DHX8: variants seen among roughly 807,000 people sequenced by gnomAD.
DHX8 encodes DEAH-box helicase 8.
DHX8 carries 67 observed loss-of-function variants against 140.7 expected under a neutral mutation model. The ratio of observed to expected loss-of-function variants is 0.48; its 90% CI spans 0.39 to 0.58. The LOEUF (loss-of-function observed/expected upper bound fraction) is 0.58. Ranked by LOEUF, DHX8 falls within the 20% of genes least tolerant of loss-of-function variation. The pLI, the probability that DHX8 is intolerant of heterozygous loss-of-function variation, is 0.00. For missense variants in DHX8, 887 were observed against 1,550.7 expected (o/e 0.57, Z 7.19); for synonymous variants, 533 against 553.2 (o/e 0.96, Z 0.51).
At position 43,524,107 on chromosome 17, in the gene DHX8, A is replaced by G. The variant is rs1970517473; in HGVS notation, c.*260A>G. On this transcript the variant is annotated 3_prime_UTR_variant, in exon 23 of 23. Coordinates refer to ENST00000262415, the MANE Select transcript of DHX8 (RefSeq NM_004941.3). ...CATATCTAACACAGAGACACATTGC[A>G]TCAACTTCAAGAAAGGGACAATTTG... 1.5e-6 allele frequency: 2 copies of G among 1,319,688 alleles called. No homozygotes were observed. Among genetic ancestry groups the G allele is most frequent in the Admixed American group, 3.3e-5 (1 of 30,070 alleles). 81.7% of individuals were successfully genotyped at this position (1,319,688 alleles called of 1,614,324 possible).
downstream of DHX8, chr17:43,525,862 A>G: frequency 5.1e-6 from 5 of 985,298 alleles, no homozygotes; most frequent in Non-Finnish European, 6.0e-6. Context: ...CAGCACTGAC[A>G]ATGTTGACAC....
intron 1 of DHX8, among the ~76,000 whole-genome samples, chr17:43,487,223 A>G (rs991403567): frequency 1.3e-5 from 2 of 152,202 alleles, no homozygotes; most frequent in African/African-American, 4.8e-5. Flanking sequence ...AGTATTAACC[A>G]TTGACATTAT....
chr17:43,532,443 G>A (rs1169280866), intron 2 of DHX8, among the ~76,000 whole-genome samples: 3 of 151,812 alleles, frequency 2.0e-5, no homozygotes, highest in Admixed American at 6.6e-5. Flanking sequence ...AGGTTGCAGT[G>A]AGCAGAGATC....
rs202079367 is a variant in DHX8, at chr17:43,488,463, T to A, written c.149-986T>A. Among the ~76,000 whole-genome samples, 21 of 151,310 alleles carry A rather than the reference T, an allele frequency of 1.4e-4. No individual in the cohort carries two copies. The East Asian group carries it at 4.1e-3, about 30-fold the overall frequency. ...TGTCTCTGCTAAAAATACAAAAAATTAGCCAGGCGTGGTGGTGGGCGCCTG... is the reference window on the plus strand; with the variant it reads ...TGTCTCTGCTAAAAATACAAAAAATAAGCCAGGCGTGGTGGTGGGCGCCTG... On this transcript the variant is annotated intron_variant, in intron 1 of 22. Coordinates refer to ENST00000262415, the MANE Select transcript of DHX8 (RefSeq NM_004941.3).
rs763361308 is a variant in DHX8 at position 43,492,291 on chromosome 17, C to A, written c.502C>A (p.Arg168=). 1.5e-5 allele frequency: 24 copies of A among 1,611,962 alleles called. No homozygotes were observed. The Admixed American group carries it at 2.2e-4, about 15-fold the overall frequency. The change falls in exon 5 of 23, where the codon CGG becomes AGG. Residue 168 remains arginine (R), a splice_region_variant and synonymous_variant. Transcript: ENST00000262415. ...GQEKQRDAEH[R]DRTKKKKRSR... ...GGAGAAGCAAAGAGATGCTGAACACCGGTTTGTCCTTAGTGTCCTGTCCTT... is the reference window on the plus strand; with the variant it reads ...GGAGAAGCAAAGAGATGCTGAACACAGGTTTGTCCTTAGTGTCCTGTCCTT...
Position 43,536,535 on chromosome 17 carries a change from G to A in DHX8, c.*20+37G>A, listed in dbSNP as rs984845503. 4 of 1,533,388 alleles carry A rather than the reference G, an allele frequency of 2.6e-6. No individual in the cohort carries two copies. In the African/African-American group the frequency reaches 5.5e-5, roughly 21 times the overall value. The allele number at this position is 1,533,388 out of a possible 1,614,324, so 95.0% of individuals were successfully genotyped here. On this transcript the variant is annotated intron_variant, in intron 3 of 3. Transcript: ENST00000589898. ...GCGGAGCCCTGGTTGTCCCCTGGGAGGCTCCATTATTACAGCCCTGCAGAT... is the reference window on the plus strand; with the variant it reads ...GCGGAGCCCTGGTTGTCCCCTGGGAAGCTCCATTATTACAGCCCTGCAGAT...
At chr17:43,504,867 T>C in intron 12 of DHX8, 42 bp downstream of exon 12, 1 of 1,562,230 alleles carries the variant, frequency 6.4e-7, no homozygotes, top group East Asian at 2.3e-5. Context: ...AGTAGGGTTA[T>C]TGTCTAAAAG....
In DHX8 at chr17:43,521,250, A is replaced by G. The variant is rs1279668442; in HGVS notation, c.3067-119A>G. ...AATGCTGGGATTACAGGCCTGAGCC[A>G]TCATGCCTAGCCTGATGTGGACACT... On this transcript the variant is annotated intron_variant, in intron 20 of 22. Coordinates refer to ENST00000262415, the MANE Select transcript of DHX8 (RefSeq NM_004941.3). 3 of 830,952 alleles carry G rather than the reference A, an allele frequency of 3.6e-6. No homozygotes were observed. In the African/African-American group the frequency reaches 5.2e-5, roughly 14 times the overall value. The allele number at this position is 830,952 out of a possible 1,614,324, so 51.5% of individuals were successfully genotyped here. A position where few individuals can be genotyped will look rare whatever the true frequency, so the allele number is the denominator to read the frequency against.
At position 43,525,295 on chromosome 17, in the gene DHX8, T is replaced by C. The variant is rs1970575130; in HGVS notation, c.*1448T>C. The C allele has an allele frequency of 2.0e-6, 2 of 985,330 alleles. No individual in the cohort carries two copies. The highest frequency in any genetic ancestry group is 4.7e-5 in the South Asian group (1 of 21,290). The allele number at this position is 985,330 out of a possible 1,614,324, so 61.0% of individuals were successfully genotyped here. A position where few individuals can be genotyped will look rare whatever the true frequency, so the allele number is the denominator to read the frequency against. The stretch of plus-strand genomic sequence containing the variant: ...GTAAATGCTAGAACTACTGTAGAAC[T>C]GTATGCCAGACACTAAGAGAGACTA... On this transcript the variant is annotated 3_prime_UTR_variant, in exon 23 of 23. Transcript: ENST00000262415.
At chr17:43,518,951 G>A (rs921399586) in intron 18 of DHX8, 4 of 152,082 alleles carry the variant, frequency 2.6e-5, no homozygotes, top group South Asian at 4.1e-4. Flanking sequence ...CTTTCTAAGG[G>A]TGAATAGTAT....
rs191745558 is a variant in DHX8 at position 43,507,272 on chromosome 17, A to G, written c.1923+75A>G. The G allele has an allele frequency of 4.2e-3, 6,157 of 1,468,916 alleles. 34 individuals carry two copies. The highest frequency in any genetic ancestry group is 3.8e-3 in the Non-Finnish European group (4,162 of 1,087,198). 91.0% of individuals were successfully genotyped at this position (1,468,916 alleles called of 1,614,324 possible). A position where few individuals can be genotyped will look rare whatever the true frequency, so the allele number is the denominator to read the frequency against. ...GTCTCTTAATCTATCAAATGGAAAT[A>G]TTAATAATACTGCCTTTTTTCAGGT... On this transcript the variant is annotated intron_variant, in intron 13 of 22. Transcript: ENST00000262415.
In DHX8 at chr17:43,523,209, A is replaced by G. The variant is rs185810373; in HGVS notation, c.3444-419A>G. 3.9e-5 allele frequency among the ~76,000 whole-genome samples: 6 copies of G among 152,278 alleles called. No homozygotes were observed. The East Asian group carries it at 1.2e-3, about 29-fold the overall frequency. On this transcript the variant is annotated intron_variant, in intron 22 of 22. Transcript: ENST00000262415. The stretch of plus-strand genomic sequence containing the variant: ...TGATTTAAAACCACCATGTTATCAC[A>G]GTAGAAGGGTTAGAAATGTGGCTCC...
In DHX8 at chr17:43,541,926, C is replaced by G. The variant is rs73304601; in HGVS notation, c.*21-2236C>G. Among the ~76,000 whole-genome samples, 1,361 of 152,296 alleles carry G rather than the reference C, an allele frequency of 8.9e-3. 16 individuals carry two copies. The highest frequency in any genetic ancestry group is 0.031 in the African/African-American group (1,302 of 41,548). On this transcript the variant is annotated intron_variant, in intron 3 of 3. Coordinates refer to the DHX8 transcript ENST00000589898. ...AACCTCATCCCTCCCCACAGACATG[C>G]CGAGGCACCAGTGTACATGCACTCG... is the stretch of plus-strand genomic sequence containing the variant.
downstream of DHX8, among the ~76,000 whole-genome samples, chr17:43,527,679 A>C (rs1422329061): frequency 6.6e-6 from 1 of 152,162 alleles, no homozygotes; most frequent in African/African-American, 2.4e-5. Flanking sequence ...CATTAAGCCC[A>C]TTTTTCAGAA....
intron 10 of DHX8, among the ~76,000 whole-genome samples, chr17:43,499,612 C>T (rs1326366763): frequency 1.3e-5 from 2 of 152,196 alleles, no homozygotes; most frequent in Non-Finnish European, 2.9e-5. Flanking sequence ...AAACCTCGCT[C>T]ACTGAAGTGT....
intron 16 of DHX8, among the ~76,000 whole-genome samples, chr17:43,509,655 G>T (rs1209791613): frequency 6.6e-6 from 1 of 151,402 alleles, no homozygotes; most frequent in African/African-American, 2.4e-5. Context: ...GGCTAATTTT[G>T]GTTTTTGTTT....
At chr17:43,491,027 T>A in intron 3 of DHX8, 138 bp from the exon 4 acceptor site, 1 of 422,340 alleles carries the variant, frequency 2.4e-6, no homozygotes, top group Admixed American at 4.0e-5. Context: ...TAGTAACAGG[T>A]ATGATTAATA....
chr17:43,487,581 T>C (rs186372805), intron 1 of DHX8, among the ~76,000 whole-genome samples: 3 of 152,300 alleles, frequency 2.0e-5, no homozygotes, highest in Admixed American at 2.0e-4. Flanking sequence ...CTTTAACTCC[T>C]GGGCTCGAGC....
intron 6 of DHX8, 152 bp downstream of exon 6, chr17:43,493,192 T>C: frequency 8.3e-7 from 1 of 1,203,544 alleles, no homozygotes; most frequent in Non-Finnish European, 1.2e-6. Flanking sequence ...TTTGAAATGT[T>C]ACAGAGCCAT....
Sources: allele counts gnomAD v4.1 joint callset (sites outside exome capture counted in the v4.1 genomes callset), GRCh38; gene constraint gnomAD v4.1.1; transcripts MANE v1.5; gene names NCBI Gene and HGNC (gene_info 2026-07-23, HGNC 2026-07-21).